Variants in PROM1 observed in about 807,000 individuals in gnomAD.
The protein encoded by PROM1 is prominin 1.
In PROM1, 105 loss-of-function variants were observed where a neutral mutation model predicts 116.9. The ratio of observed to expected loss-of-function variants is 0.90; its 90% CI spans 0.77 to 1.06. The LOEUF (loss-of-function observed/expected upper bound fraction) is 1.06, where lower values mean the gene tolerates loss of function less well. Among genes scored for constraint, PROM1 ranks in the 50% least tolerant of loss-of-function variants. The pLI is 0.00. For synonymous variants in PROM1, 393 were observed against 387.0 expected, an observed-to-expected ratio of 1.02 and a Z score of -0.18; for missense variants, 1,122 against 1,045.2, an observed-to-expected ratio of 1.07 and a Z score of -1.01.
intron 2 of PROM1, among the ~76,000 whole-genome samples, chr4:16,040,680 G>A (rs748168526): frequency 3.9e-5 from 6 of 152,148 alleles, no homozygotes; most frequent in South Asian, 2.1e-4. Flanking sequence ...AAAATAAGAC[G>A]TCCCTACTCT....
At chr4:16,024,472 C>A in intron 6 of PROM1, 114 bp from the exon 7 acceptor site, 1 of 802,500 alleles carries the variant, frequency 1.2e-6, no homozygotes, top group Non-Finnish European at 1.9e-6. Flanking sequence ...TTCAGGTAAC[C>A]AGCAAGTTCC....
chr4:16,002,749 A>G (rs1340223195), intron 13 of PROM1, among the ~76,000 whole-genome samples: 1 of 152,256 alleles, frequency 6.6e-6, no homozygotes, highest in Middle Eastern at 3.4e-3. Context: ...ATAAACCAAG[A>G]CAGCTGTCTA....
At chr4:16,050,409 A>G (rs1737596404) in intron 2 of PROM1, among the ~76,000 whole-genome samples, 1 of 152,180 alleles carries the variant, frequency 6.6e-6, no homozygotes, top group African/African-American at 2.4e-5. Flanking sequence ...GCTAGAGTGC[A>G]GTGGCACGAT....
intron 24 of PROM1, 116 bp downstream of exon 24, chr4:15,980,306 A>T (rs1243588819): frequency 4.0e-6 from 2 of 499,940 alleles, no homozygotes; most frequent in Non-Finnish European, 3.4e-6. Context: ...CTACTACTAA[A>T]AAAAAAAAAA....
chr4:15,972,205 C>A (rs933260036), intron 26 of PROM1, among the ~76,000 whole-genome samples: 1 of 152,176 alleles, frequency 6.6e-6, no homozygotes, highest in Admixed American at 6.5e-5. Flanking sequence ...ACTCTGGAGA[C>A]CTCAGAAGCA....
intron 2 of PROM1, among the ~76,000 whole-genome samples, chr4:16,047,110 T>G (rs1299118345): frequency 6.6e-6 from 1 of 152,224 alleles, no homozygotes; most frequent in South Asian, 2.1e-4. Flanking sequence ...CGCTACAGTC[T>G]TGAGGCAGGA....
chr4:15,972,095 G>C (rs897895638), intron 26 of PROM1: 1 of 152,152 alleles, frequency 6.6e-6, no homozygotes. Flanking sequence ...ATTGAGCAGA[G>C]GGATGCTGGG....
chr4:16,006,801 A>C, intron 12 of PROM1, 111 bp from the exon 13 acceptor site: 4 of 1,093,838 alleles, frequency 3.7e-6, no homozygotes, highest in Non-Finnish European at 5.3e-6. Flanking sequence ...TTCTAAAATC[A>C]GAGTCTTCTA....
intron 7 of PROM1, 64 bp from the exon 8 acceptor site, chr4:16,023,479 A>G: frequency 1.5e-6 from 2 of 1,303,044 alleles, no homozygotes; most frequent in Non-Finnish European, 2.2e-6. Flanking sequence ...CCCCTCCCTC[A>G]TTCTCTCCAC....
chr4:16,068,883 A>T (rs1742162768), intron 2 of PROM1, among the ~76,000 whole-genome samples: 1 of 152,136 alleles, frequency 6.6e-6, no homozygotes, highest in Non-Finnish European at 1.5e-5. Flanking sequence ...CCACGAGCAA[A>T]TCAGAATCAC....
intron 8 of PROM1, among the ~76,000 whole-genome samples, chr4:16,022,849 G>A (rs1461283781): frequency 6.6e-6 from 1 of 152,120 alleles, no homozygotes; most frequent in Non-Finnish European, 1.5e-5. Context: ...GAAGGAAAAA[G>A]GAATCAATTT....
At chr4:16,018,814 G>A (rs974825249) in intron 8 of PROM1, among the ~76,000 whole-genome samples, 38 of 152,166 alleles carry the variant, frequency 2.5e-4, no homozygotes, top group Non-Finnish European at 5.0e-4. Context: ...ACACCTCAAT[G>A]CAGCATTAAC....
rs370577909 is a variant in PROM1, at chr4:16,041,567, A to G, written c.221-2566T>C. On this transcript the variant is annotated intron_variant, in intron 2 of 27. Coordinates refer to ENST00000447510, the MANE Select transcript of PROM1 (RefSeq NM_006017.3). ...CCAAGGACAGAGGATTGCTGAGCCC[A>G]GGAGTTTGAGACCAGCCTGGGCAAC... Among the ~76,000 whole-genome samples the G allele has an allele frequency of 2.0e-4, 31 of 151,972 alleles. No homozygotes were observed. In the East Asian group the frequency reaches 2.5e-3, roughly 12 times the overall value.
chr4:15,973,150 G>C (rs1371310444), intron 26 of PROM1, among the ~76,000 whole-genome samples: 1 of 152,160 alleles, frequency 6.6e-6, no homozygotes, highest in African/African-American at 2.4e-5. Flanking sequence ...GCAGCCATGC[G>C]GACCCCTCCT....
At chr4:15,996,944 T>C (rs554796738) in intron 15 of PROM1, among the ~76,000 whole-genome samples, 2 of 152,274 alleles carry the variant, frequency 1.3e-5, no homozygotes, top group African/African-American at 2.4e-5. Flanking sequence ...TTTCATTCAC[T>C]ATGAACACAC....
chr4:16,070,612 A>G (rs1015728762), intron 2 of PROM1, among the ~76,000 whole-genome samples: 2 of 152,254 alleles, frequency 1.3e-5, no homozygotes, highest in African/African-American at 4.8e-5. Context: ...TTAGCAAAGT[A>G]AGTCTTACAG....
At position 15,971,047 on chromosome 4, in the gene PROM1, A is replaced by G. The variant is rs1714412563; in HGVS notation, c.*20T>C. ...CAATGAAAGCATCAAACTTACCTCA[A>G]GCAGTTTCAACATCAGCTATCAATG... On this transcript the variant is annotated 3_prime_UTR_variant, in exon 27 of 28. Transcript: ENST00000447510. 5 of 1,581,868 alleles carry G rather than the reference A, an allele frequency of 3.2e-6. No individual in the cohort carries two copies. The East Asian group carries it at 6.8e-5, about 22-fold the overall frequency.
At chr4:16,006,470 C>A in intron 13 of PROM1, 68 bp downstream of exon 13, 1 of 1,482,488 alleles carries the variant, frequency 6.7e-7, no homozygotes, top group Non-Finnish European at 9.0e-7. Context: ...TCATGTAACA[C>A]CAGAGTCAGC....
chr4:16,055,496 A>T (rs1326739546), intron 2 of PROM1: 1 of 453,796 alleles, frequency 2.2e-6, no homozygotes, highest in Non-Finnish European at 4.4e-6. Flanking sequence ...TGATCGGAAG[A>T]TCTCCCCAAA....
Sources: gnomAD v4.1 joint callset for allele counts (sites outside exome capture counted in the v4.1 genomes callset) on GRCh38, gnomAD v4.1.1 for gene constraint, MANE v1.5 for transcripts, NCBI Gene and HGNC (gene_info 2026-07-23, HGNC 2026-07-21) for gene names.